The following PDLIM5 variants were observed in gnomAD, a reference collection of about 807,000 sequenced individuals.
The protein encoded by PDLIM5 is PDZ and LIM domain 5, also known as PDZ and LIM domain protein 5.
A neutral mutation model predicts 64.2 loss-of-function variants in PDLIM5; 34 were observed. The observed-to-expected ratio is 0.53, with a 90% CI of 0.40 to 0.71. PDLIM5 has a LOEUF of 0.71. PDLIM5 is among the 30% of genes least tolerant of loss of function. The probability of loss-of-function intolerance (pLI) is 0.00; values close to 1 mark genes in which losing one functional copy is unlikely to be tolerated. For missense variants in PDLIM5, 683 were observed against 733.6 expected (o/e 0.93, Z 0.80); for synonymous variants, 253 against 269.1 (o/e 0.94, Z 0.59).
At chr4:94,624,165 G>GAAGT (rs1739476252) in intron 8 of PDLIM5, among the ~76,000 whole-genome samples, 1 of 151,050 alleles carries the variant, frequency 6.6e-6, no homozygotes, top group African/African-American at 2.4e-5. Flanking sequence ...AAAAAAAAAA[G>GAAGT]AAGTTGGCTG....
intron 8 of PDLIM5, among the ~76,000 whole-genome samples, chr4:94,629,175 C>T (rs1300036848): frequency 6.6e-6 from 1 of 151,964 alleles, no homozygotes; most frequent in Non-Finnish European, 1.5e-5. Context: ...ATGGTGAAAC[C>T]CGATCTCTAT....
At chr4:94,662,702 C>G (rs1361117945) in intron 12 of PDLIM5, among the ~76,000 whole-genome samples, 165 bp downstream of exon 12, 3 of 151,700 alleles carry the variant, frequency 2.0e-5, no homozygotes, top group African/African-American at 7.3e-5. Flanking sequence ...AATTTTTTGG[C>G]ATTTTTGAAA....
intron 9 of PDLIM5, among the ~76,000 whole-genome samples, chr4:94,648,862 G>A (rs1229336360): frequency 1.3e-5 from 2 of 152,170 alleles, no homozygotes; most frequent in Non-Finnish European, 2.9e-5. Context: ...CTCTCCTGTT[G>A]CTTTTTAACT....
intron 2 of PDLIM5, among the ~76,000 whole-genome samples, chr4:94,487,318 T>A (rs1027417797): frequency 6.6e-6 from 1 of 152,146 alleles, no homozygotes; most frequent in African/African-American, 2.4e-5. Context: ...ACTTGACCAG[T>A]GAAGAACTTG....
At chr4:94,527,896 A>G (rs1359158729) in intron 3 of PDLIM5, among the ~76,000 whole-genome samples, 2 of 152,218 alleles carry the variant, frequency 1.3e-5, no homozygotes. Context: ...ACTGGTGTGA[A>G]CCATTAGAAG....
intron 2 of PDLIM5, among the ~76,000 whole-genome samples, chr4:94,466,800 G>A (rs769708997): frequency 9.9e-5 from 15 of 152,138 alleles, no homozygotes; most frequent in Non-Finnish European, 1.8e-4. Flanking sequence ...TATTAGTTAC[G>A]TTTATGATGC....
intron 8 of PDLIM5, among the ~76,000 whole-genome samples, chr4:94,628,439 T>C (rs1337481018): frequency 6.6e-6 from 1 of 152,194 alleles, no homozygotes. Context: ...TTAAGGAGTA[T>C]CCCAATTTTT....
intron 2 of PDLIM5, among the ~76,000 whole-genome samples, chr4:94,464,976 G>A (rs1724220255): frequency 6.6e-6 from 1 of 152,080 alleles, no homozygotes; most frequent in Admixed American, 6.5e-5. Flanking sequence ...CCTTATTTAA[G>A]AACTGTATGA....
chr4:94,628,977 C>G (rs977019539), intron 8 of PDLIM5, among the ~76,000 whole-genome samples: 3 of 148,940 alleles, frequency 2.0e-5, no homozygotes, highest in African/African-American at 7.7e-5. Context: ...GAAAATGAAG[C>G]CCATTGGCCT....
At chr4:94,622,774 G>A (rs1452909629) in intron 8 of PDLIM5, among the ~76,000 whole-genome samples, 5 of 151,914 alleles carry the variant, frequency 3.3e-5, no homozygotes, top group Non-Finnish European at 7.4e-5. Context: ...AGGTTCAAGT[G>A]ATTCTCCTGC....
intron 2 of PDLIM5, among the ~76,000 whole-genome samples, chr4:94,482,263 G>C (rs1224314394): frequency 6.6e-6 from 1 of 151,796 alleles, no homozygotes; most frequent in Non-Finnish European, 1.5e-5. Context: ...TTGAACTCCT[G>C]GGGCTCAAGT....
chr4:94,554,923 CAT>C (rs1485033897), intron 3 of PDLIM5, among the ~76,000 whole-genome samples: 1 of 152,178 alleles, frequency 6.6e-6, no homozygotes, highest in Non-Finnish European at 1.5e-5. Flanking sequence ...CAATAAATAA[CAT>C]GAGATATTCA....
At chr4:94,554,194 G>A (rs1403719966) in intron 3 of PDLIM5, among the ~76,000 whole-genome samples, 1 of 152,102 alleles carries the variant, frequency 6.6e-6, no homozygotes, top group Admixed American at 6.6e-5. Flanking sequence ...CTTCCATCCA[G>A]AGACAATGAA....
chr4:94,518,600 A>T (rs971650208), intron 2 of PDLIM5, among the ~76,000 whole-genome samples: 5 of 152,220 alleles, frequency 3.3e-5, no homozygotes, highest in Admixed American at 1.3e-4. Context: ...AAGGCACGCA[A>T]GTATTACTGT....
At chr4:94,653,734 TA>T (rs1742012461) in intron 9 of PDLIM5, among the ~76,000 whole-genome samples, 1 of 152,296 alleles carries the variant, frequency 6.6e-6, no homozygotes, top group South Asian at 2.1e-4. Flanking sequence ...ATTGTACTCT[TA>T]AAAATCTGTT....
At chr4:94,477,734 T>TA (rs1212597766) in intron 2 of PDLIM5, among the ~76,000 whole-genome samples, 1 of 152,176 alleles carries the variant, frequency 6.6e-6, no homozygotes, top group African/African-American at 2.4e-5. Context: ...CAATAAAAGT[T>TA]ACACCAACTG....
chr4:94,610,758 C>T lies in PDLIM5; in HGVS notation c.921-7246C>T, dbSNP rs569302922. Among the ~76,000 whole-genome samples, 4 of 152,148 alleles carry T rather than the reference C, an allele frequency of 2.6e-5. No homozygotes were observed. In the South Asian group the frequency reaches 6.2e-4, roughly 24 times the overall value. ...AAAAAGAATAAATTGGTTTTGTTTT[C>T]GTGGTTTGGGGATTTTAGATAATTT... On this transcript the variant is annotated intron_variant, in intron 7 of 12. Coordinates refer to ENST00000317968, the MANE Select transcript of PDLIM5 (RefSeq NM_006457.5).
In PDLIM5 at chr4:94,451,966, G is replaced by A. The variant is rs1722880006; in HGVS notation, c.-72G>A. Reference sequence around the variant, plus strand: ...CACTTGTCAGCCCTTGTCTGAGGCGGAGGCAGCCCCGCGCCGCGCCGGACC... The same window carrying A: ...CACTTGTCAGCCCTTGTCTGAGGCGAAGGCAGCCCCGCGCCGCGCCGGACC... On this transcript the variant is annotated 5_prime_UTR_variant, in exon 1 of 13. Coordinates refer to ENST00000317968, the MANE Select transcript of PDLIM5 (RefSeq NM_006457.5). The A allele has an allele frequency of 6.6e-6, 1 of 152,240 alleles. No individual in the cohort carries two copies. Among genetic ancestry groups the A allele is most frequent in the Non-Finnish European group, 1.5e-5 (1 of 68,088 alleles). 9.4% of individuals were successfully genotyped at this position (152,240 alleles called of 1,614,324 possible).
intron 8 of PDLIM5, among the ~76,000 whole-genome samples, chr4:94,634,571 G>T (rs887027519): frequency 6.6e-6 from 1 of 152,064 alleles, no homozygotes; most frequent in Non-Finnish European, 1.5e-5. Flanking sequence ...AGTGTATGTC[G>T]GTAGTAAGAA....
Sources: allele counts gnomAD v4.1 joint callset (sites outside exome capture counted in the v4.1 genomes callset), GRCh38; gene constraint gnomAD v4.1.1; transcripts MANE v1.5; gene names NCBI Gene and HGNC (gene_info 2026-07-23, HGNC 2026-07-21).